Variants in MAP2 observed in about 807,000 individuals in gnomAD.
MAP2 encodes the protein microtubule-associated protein 2.
A neutral mutation model predicts 137.6 loss-of-function variants in MAP2; 14 were observed. That is an observed-to-expected ratio of 0.10 (90% CI 0.07 to 0.16). The LOEUF is 0.16. Among genes scored for constraint, MAP2 ranks in the 10% least tolerant of loss-of-function variants. MAP2 has a pLI of 1.00. For missense variants in MAP2, 2,088 were observed against 2,191.5 expected (o/e 0.95, Z 0.94); for synonymous variants, 786 against 782.3 (o/e 1.00, Z -0.08).
chr2:209,601,548 G>A (rs1450053604), intron 3 of MAP2, among the ~76,000 whole-genome samples: 2 of 152,128 alleles, frequency 1.3e-5, no homozygotes, highest in Non-Finnish European at 1.5e-5. Flanking sequence ...TGTCTGAAAT[G>A]CAGTGAGCTT....
chr2:209,646,056 A>T (rs539629108), intron 4 of MAP2, among the ~76,000 whole-genome samples: 2 of 152,180 alleles, frequency 1.3e-5, no homozygotes, highest in African/African-American at 4.8e-5. Flanking sequence ...CATGTGGCAC[A>T]TAGCTGTAGT....
At chr2:209,528,953 T>C (rs2064656054) in intron 2 of MAP2, among the ~76,000 whole-genome samples, 1 of 151,724 alleles carries the variant, frequency 6.6e-6, no homozygotes, top group Admixed American at 6.6e-5. Context: ...TACATATACA[T>C]ATATCCTCAA....
intron 1 of MAP2, among the ~76,000 whole-genome samples, chr2:209,457,827 C>T (rs1701900684): frequency 6.6e-6 from 1 of 151,910 alleles, no homozygotes; most frequent in Non-Finnish European, 1.5e-5. Flanking sequence ...TCATTGCCAT[C>T]TTTGCCTTTC....
At chr2:209,629,641 G>GA (rs2092773776) in intron 4 of MAP2, among the ~76,000 whole-genome samples, 1 of 152,166 alleles carries the variant, frequency 6.6e-6, no homozygotes, top group Non-Finnish European at 1.5e-5. Flanking sequence ...TAGGATATCA[G>GA]ATGCTTCCAT....
intron 1 of MAP2, among the ~76,000 whole-genome samples, chr2:209,462,067 T>C (rs1388970601): frequency 6.6e-6 from 1 of 152,202 alleles, no homozygotes; most frequent in African/African-American, 2.4e-5. Flanking sequence ...TGTATTTTAA[T>C]TCCTCTCCTA....
intron 5 of MAP2, among the ~76,000 whole-genome samples, chr2:209,674,498 A>C (rs1403328872): frequency 6.6e-6 from 1 of 151,788 alleles, no homozygotes; most frequent in Non-Finnish European, 1.5e-5. Flanking sequence ...TCATAGTATG[A>C]AATAACTAGA....
At chr2:209,471,833 A>G (rs1284044094) in intron 1 of MAP2, among the ~76,000 whole-genome samples, 1 of 152,164 alleles carries the variant, frequency 6.6e-6, no homozygotes, top group East Asian at 1.9e-4. Flanking sequence ...ATATATGTAA[A>G]CCTGGTCTCT....
At chr2:209,612,871 T>C (rs1306770773) in intron 3 of MAP2, among the ~76,000 whole-genome samples, 1 of 152,188 alleles carries the variant, frequency 6.6e-6, no homozygotes, top group Non-Finnish European at 1.5e-5. Flanking sequence ...TAGTTAAGGA[T>C]CCTTATCTTT....
At chr2:209,548,938 C>T (rs947320588) in intron 2 of MAP2, among the ~76,000 whole-genome samples, 3 of 152,124 alleles carry the variant, frequency 2.0e-5, no homozygotes, top group African/African-American at 4.8e-5. Flanking sequence ...TCTAAATTAC[C>T]CAGTCTCAGA....
intron 3 of MAP2, among the ~76,000 whole-genome samples, chr2:209,600,058 G>C (rs1056829528): frequency 6.6e-6 from 1 of 152,112 alleles, no homozygotes; most frequent in Non-Finnish European, 1.5e-5. Flanking sequence ...GTTTGATAAA[G>C]ACAAAGCCTA....
intron 1 of MAP2, among the ~76,000 whole-genome samples, chr2:209,446,049 AGTT>A (rs1350002984): frequency 7.9e-5 from 12 of 151,868 alleles, no homozygotes; most frequent in African/African-American, 2.4e-4. Flanking sequence ...TTTTGGGGGT[AGTT>A]GTTTAAAATT....
In MAP2 at chr2:209,713,928, C is replaced by G. The variant is rs144661524; in HGVS notation, c.5073+3674C>G. Among the ~76,000 whole-genome samples the G allele has an allele frequency of 1.2e-4, 18 of 152,212 alleles. No individual in the cohort carries two copies. The East Asian group carries it at 3.3e-3, about 28-fold the overall frequency. On this transcript the variant is annotated intron_variant, in intron 13 of 15. Transcript: ENST00000682079. ...AGTTGGCCAGGTGTGGTGGCTCATG[C>G]CTGTAATCCCAGCACTTTGGGAGGC...
intron 2 of MAP2, among the ~76,000 whole-genome samples, chr2:209,563,934 T>C (rs1437625808): frequency 6.6e-6 from 1 of 152,242 alleles, no homozygotes. Context: ...TGAAGGTAAC[T>C]TTCTAACTTT....
chr2:209,667,766 C>G (rs879469157), intron 5 of MAP2, among the ~76,000 whole-genome samples: 12 of 151,994 alleles, frequency 7.9e-5, no homozygotes, highest in Non-Finnish European at 1.8e-4. Context: ...AAATGAAGCT[C>G]TGTCTTTGTA....
At chr2:209,506,327 C>T (rs577632689) in intron 1 of MAP2, among the ~76,000 whole-genome samples, 3 of 152,176 alleles carry the variant, frequency 2.0e-5, no homozygotes, top group South Asian at 4.1e-4. Context: ...CTAGTATTTT[C>T]TTTGTCTTAT....
At chr2:209,607,950 A>T (rs1358299919) in intron 3 of MAP2, among the ~76,000 whole-genome samples, 1 of 151,330 alleles carries the variant, frequency 6.6e-6, no homozygotes, top group Non-Finnish European at 1.5e-5. Context: ...TTTCTGTCAC[A>T]CTCTTTTCTT....
chr2:209,433,700 G>A (rs1171690112), intron 1 of MAP2, among the ~76,000 whole-genome samples: 1 of 152,008 alleles, frequency 6.6e-6, no homozygotes, highest in Non-Finnish European at 1.5e-5. Flanking sequence ...GAAATCAATG[G>A]TGGAAACAAG....
intron 2 of MAP2, among the ~76,000 whole-genome samples, chr2:209,563,205 T>C (rs2072580077): frequency 6.6e-6 from 1 of 152,196 alleles, no homozygotes; most frequent in Non-Finnish European, 1.5e-5. Context: ...GCATATGACC[T>C]GAATTCATAT....
chr2:209,513,396 T>A (rs552857139), intron 2 of MAP2, among the ~76,000 whole-genome samples: 16 of 152,172 alleles, frequency 1.1e-4, no homozygotes, highest in Admixed American at 5.2e-4. Context: ...TTTACACTTA[T>A]GCGTGCTGTC....
Sources: allele counts gnomAD v4.1 joint callset (sites outside exome capture counted in the v4.1 genomes callset), GRCh38; gene constraint gnomAD v4.1.1; transcripts MANE v1.5; gene names NCBI Gene and HGNC (gene_info 2026-07-23, HGNC 2026-07-21).